PIGZ: variants seen among roughly 807,000 people sequenced by gnomAD.
The protein encoded by PIGZ is phosphatidylinositol glycan anchor biosynthesis class Z (Gwada blood group).
PIGZ carries 16 observed loss-of-function variants against 16.4 expected under a neutral mutation model. That is an observed-to-expected ratio of 0.97 (90% CI 0.66 to 1.48). The LOEUF is 1.48. PIGZ is among the 40% of genes most tolerant of loss of function. The pLI is 0.00. For synonymous variants in PIGZ, 409 were observed against 338.4 expected (o/e 1.21, Z -2.29); for missense variants, 770 against 739.2 (o/e 1.04, Z -0.48).
At chr3:196,961,234 A>T (rs1452415951) in intron 1 of PIGZ, among the ~76,000 whole-genome samples, 1 of 152,142 alleles carries the variant, frequency 6.6e-6, no homozygotes, top group African/African-American at 2.4e-5. Flanking sequence ...TGGTCTCCTG[A>T]GTCCTCACTT....
Position 196,948,230 on chromosome 3 carries a change from C to T in PIGZ, c.667G>A (p.Gly223Ser). ...AGAAAGGTGGGCCGGTTGAAGAAGC[C>T]AGCAGCCACAATGCCTCCAAGAAGC... Reference protein sequence around the residue: ...SWLLGGIVAAGFFNRPTFLAF... With the variant: ...SWLLGGIVAASFFNRPTFLAF... Residue 223 changes from glycine (G) to serine (S), a missense_variant, in exon 3 of 3, where the codon GGC (glycine) becomes AGC (serine). Physicochemically the swap from Gly to Ser is moderately conservative, Grantham distance 56. Coordinates refer to ENST00000412723, the MANE Select transcript of PIGZ (RefSeq NM_025163.4). The T allele has an allele frequency of 6.2e-7, 1 of 1,614,150 alleles. No homozygotes were observed. The highest frequency in any genetic ancestry group is 8.5e-7 in the Non-Finnish European group (1 of 1,180,020).
chr3:196,953,219 C>T (rs561519491), intron 1 of PIGZ, among the ~76,000 whole-genome samples: 43 of 152,160 alleles, frequency 2.8e-4, no homozygotes, highest in South Asian at 1.2e-3. Context: ...GACATTTGCT[C>T]AATGTGACAT....
chr3:196,948,900 CT>C (rs1717096327), intron 2 of PIGZ, among the ~76,000 whole-genome samples: 1 of 57,254 alleles, frequency 1.7e-5, no homozygotes, highest in Admixed American at 1.8e-4. Flanking sequence ...CCTTCCTTCC[CT>C]TCCCCTCCCC....
At position 196,947,244 on chromosome 3, in the gene PIGZ, C is replaced by T. The variant is rs141597613; in HGVS notation, c.1653G>A (p.Glu551=). The change falls in exon 3 of 3, where the codon GAG becomes GAA. Residue 551 remains glutamate (E), a synonymous_variant. Transcript: ENST00000412723. The stretch of plus-strand genomic sequence containing the variant: ...GCAAGGAGGACAGGGCTGGTGGATC[C>T]TCCAGGGTCAGATGGGGAAATAAAA... ...ETLLFPHLTL[E]DPPALSSLLS... is the part of the protein sequence containing the mutation. 468 of 1,612,584 alleles carry T rather than the reference C, an allele frequency of 2.9e-4. 4 individuals are homozygous for T. In the African/African-American group the frequency reaches 5.6e-3, roughly 19 times the overall value.
At chr3:196,960,635 C>T (rs1396364489) in intron 1 of PIGZ, among the ~76,000 whole-genome samples, 1 of 150,260 alleles carries the variant, frequency 6.7e-6, no homozygotes, top group Admixed American at 6.7e-5. Flanking sequence ...CATGACTGCA[C>T]TCCATCCTGG....
chr3:196,953,019 T>C (rs1717351987), intron 1 of PIGZ, among the ~76,000 whole-genome samples: 1 of 152,140 alleles, frequency 6.6e-6, no homozygotes, highest in African/African-American at 2.4e-5. Flanking sequence ...GGCTCCTCTG[T>C]TTCTAAGGCT....
In PIGZ at chr3:196,946,690, A is replaced by ATACTTCG; in HGVS notation, c.*460_*466dup. On this transcript the variant is annotated 3_prime_UTR_variant, in exon 3 of 3. Transcript: ENST00000412723. ...CCTGGATCTGGGCCACCTGTTCTCT[A>ATACTTCG]TACTTCGTCTCACTGACTTGCACAT... 6.5e-6 allele frequency: 1 copy of ATACTTCG among 153,214 alleles called. No individual in the cohort carries two copies. The highest frequency in any genetic ancestry group is 2.1e-4 in the South Asian group (1 of 4,872). 9.5% of individuals were successfully genotyped at this position (153,214 alleles called of 1,614,324 possible). A position where few individuals can be genotyped will look rare whatever the true frequency, so the allele number is the denominator to read the frequency against.
At chr3:196,964,923 A>G (rs11718821) in intron 1 of PIGZ, among the ~76,000 whole-genome samples, 26,144 of 152,024 alleles carry the variant, frequency 0.17, 2,386 homozygotes, top group Middle Eastern at 0.22. Flanking sequence ...AAGGTAACGG[A>G]ACTACTAAGT....
At chr3:196,968,478 G>A (rs527939706) in intron 1 of PIGZ, among the ~76,000 whole-genome samples, 92 of 152,352 alleles carry the variant, frequency 6.0e-4, no homozygotes, top group African/African-American at 2.1e-3. Flanking sequence ...GGTCCGGGGC[G>A]GGTCAGTGCT....
At chr3:196,952,933 C>T (rs1560184522) in intron 1 of PIGZ, among the ~76,000 whole-genome samples, 1 of 152,208 alleles carries the variant, frequency 6.6e-6, no homozygotes, top group South Asian at 2.1e-4. Flanking sequence ...CTCTATGTCT[C>T]ACACCAGTGT....
chr3:196,957,171 TTGTG>T (rs3042833), intron 1 of PIGZ, among the ~76,000 whole-genome samples: 7,067 of 146,522 alleles, frequency 0.048, 389 homozygotes, highest in African/African-American at 0.13. Flanking sequence ...GCTCCAGGTT[TTGTG>T]TGTGTGTGTG....
rs765686173 is a variant in PIGZ at position 196,947,201 on chromosome 3, C to G, written c.1696G>C (p.Asp566His). Residue 566 changes from aspartate to histidine, a missense_variant, in exon 3 of 3, where the codon GAC becomes CAC. Transcript: ENST00000412723. ...TCCACAATGTGAAGACTGAGGTGGTCCCTCCAAGCCCCACTCAGCAAGGAG... is the reference window on the plus strand; with the variant it reads ...TCCACAATGTGAAGACTGAGGTGGTGCCTCCAAGCCCCACTCAGCAAGGAG... The part of the protein sequence containing the change: ...LSSLLSGAWR[D>H]HLSLHIVELG... 1 of 1,581,246 alleles carries G rather than the reference C, an allele frequency of 6.3e-7. No homozygotes were observed. The highest frequency in any genetic ancestry group is 1.8e-5 in the Admixed American group (1 of 57,118).
chr3:196,957,296 C>T (rs866769472), intron 1 of PIGZ, among the ~76,000 whole-genome samples: 12 of 152,012 alleles, frequency 7.9e-5, no homozygotes, highest in South Asian at 6.2e-4. Context: ...AGATAGCCCA[C>T]CCCCAGCTCA....
At chr3:196,959,708 A>AT (rs943776602) in intron 1 of PIGZ, among the ~76,000 whole-genome samples, 2 of 151,766 alleles carry the variant, frequency 1.3e-5, no homozygotes, top group African/African-American at 4.8e-5. Flanking sequence ...TTTAATTTCA[A>AT]TTTTTTTTAG....
intron 1 of PIGZ, among the ~76,000 whole-genome samples, chr3:196,957,016 C>T (rs991669658): frequency 6.6e-6 from 1 of 152,106 alleles, no homozygotes; most frequent in South Asian, 2.1e-4. Flanking sequence ...TGAATTATCT[C>T]ATTTTCTTTG....
chr3:196,967,091 A>G (rs1717960227), intron 1 of PIGZ, among the ~76,000 whole-genome samples: 1 of 151,746 alleles, frequency 6.6e-6, no homozygotes, highest in Non-Finnish European at 1.5e-5. Flanking sequence ...ACAGCCAAGC[A>G]GAAACCACTG....
At chr3:196,949,403 C>T (rs1560182073) in intron 2 of PIGZ, among the ~76,000 whole-genome samples, 2 of 152,164 alleles carry the variant, frequency 1.3e-5, no homozygotes, top group African/African-American at 4.8e-5. Context: ...ATTTGACATG[C>T]CACTGCTGGC....
Position 196,948,635 on chromosome 3 carries a change from T to A in PIGZ, c.262A>T (p.Ser88Cys). 6.7e-7 allele frequency: 1 copy of A among 1,491,624 alleles called. No homozygotes were observed. The highest frequency in any genetic ancestry group is 8.9e-7 in the Non-Finnish European group (1 of 1,124,350). The allele number at this position is 1,491,624 out of a possible 1,614,324, so 92.4% of individuals were successfully genotyped here. A position where few individuals can be genotyped will look rare whatever the true frequency, so the allele number is the denominator to read the frequency against. ...GGGAAGAGCACCGAGCGGCAGGAGCTGCTGGGGTAAAACTCCCAGGGCCGC... is the reference window on the plus strand; with the variant it reads ...GGGAAGAGCACCGAGCGGCAGGAGCAGCTGGGGTAAAACTCCCAGGGCCGC... The part of the protein sequence containing the change: ...AARPWEFYPS[S>C]SCRSVLFPLL... Residue 88 changes from serine to cysteine, a missense_variant, in exon 3 of 3, where the codon AGC becomes TGC. By Grantham distance (112) the Ser-to-Cys change is moderately radical. Transcript: ENST00000412723.
At chr3:196,960,997 C>G (rs1043498487) in intron 1 of PIGZ, among the ~76,000 whole-genome samples, 1 of 152,142 alleles carries the variant, frequency 6.6e-6, no homozygotes, top group African/African-American at 2.4e-5. Context: ...AAATGAGAGA[C>G]ATGTGGAAGG....
Sources: allele counts gnomAD v4.1 joint callset (sites outside exome capture counted in the v4.1 genomes callset), GRCh38; gene constraint gnomAD v4.1.1; transcripts MANE v1.5; gene names NCBI Gene and HGNC (gene_info 2026-07-23, HGNC 2026-07-21).